FHOD3: variants seen among roughly 807,000 people sequenced by gnomAD.
FHOD3 encodes FH1/FH2 domain-containing protein 3.
In FHOD3, 90 loss-of-function variants were observed where a neutral mutation model predicts 173.0. The ratio of observed to expected loss-of-function variants is 0.52; its 90% CI spans 0.44 to 0.62. The LOEUF (loss-of-function observed/expected upper bound fraction) is 0.62, where lower values mean the gene tolerates loss of function less well. Ranked by LOEUF, FHOD3 falls within the 20% of genes least tolerant of loss-of-function variation. FHOD3 has a pLI of 0.00. For synonymous variants in FHOD3, 828 were observed against 823.0 expected, an observed-to-expected ratio of 1.01 and a Z score of -0.10; for missense variants, 1,945 against 2,034.7, an observed-to-expected ratio of 0.96 and a Z score of 0.85.
intron 1 of FHOD3, among the ~76,000 whole-genome samples, chr18:36,306,471 C>A (rs1040428191): frequency 2.6e-5 from 4 of 152,162 alleles, no homozygotes; most frequent in Non-Finnish European, 5.9e-5. Context: ...AAGTTAGAAC[C>A]AGATATGTTC....
At chr18:36,641,159 C>G (rs1047472090) in intron 10 of FHOD3, among the ~76,000 whole-genome samples, 1 of 151,870 alleles carries the variant, frequency 6.6e-6, no homozygotes, top group African/African-American at 2.4e-5. Context: ...TTGGATGTCC[C>G]TTGGAGCCAG....
chr18:36,645,686 C>T (rs1173458790), intron 10 of FHOD3, among the ~76,000 whole-genome samples: 2 of 152,000 alleles, frequency 1.3e-5, no homozygotes, highest in African/African-American at 4.8e-5. Context: ...GTAAAAAATT[C>T]TTAATAAATT....
chr18:36,453,001 C>T (rs534559890), intron 3 of FHOD3, among the ~76,000 whole-genome samples: 28 of 152,134 alleles, frequency 1.8e-4, no homozygotes, highest in African/African-American at 6.5e-4. Flanking sequence ...ATGTCTACTA[C>T]ATAGACATCT....
chr18:36,457,984 AG>A, intron 3 of FHOD3, among the ~76,000 whole-genome samples: 1 of 152,222 alleles, frequency 6.6e-6, no homozygotes, highest in East Asian at 1.9e-4. Flanking sequence ...TAAATTCTGG[AG>A]TCCCCAAGAA....
chr18:36,455,908 T>G (rs962469350), intron 3 of FHOD3, among the ~76,000 whole-genome samples: 15 of 152,182 alleles, frequency 9.9e-5, no homozygotes, highest in Non-Finnish European at 1.5e-5. Context: ...GGTGCCATGT[T>G]AATGGCTGGA....
At chr18:36,590,378 G>T (rs2059174782) in intron 6 of FHOD3, among the ~76,000 whole-genome samples, 1 of 149,744 alleles carries the variant, frequency 6.7e-6, no homozygotes, top group African/African-American at 2.5e-5. Flanking sequence ...AATGAGGTTG[G>T]CTCATAGAAT....
chr18:36,309,611 C>T (rs945189713), intron 1 of FHOD3, among the ~76,000 whole-genome samples: 20 of 152,192 alleles, frequency 1.3e-4, no homozygotes, highest in Non-Finnish European at 2.2e-4. Context: ...AGTCCGGGAG[C>T]GGCTAGTGTC....
chr18:36,406,662 G>C (rs1389629390), intron 3 of FHOD3, among the ~76,000 whole-genome samples: 1 of 152,180 alleles, frequency 6.6e-6, no homozygotes, highest in Non-Finnish European at 1.5e-5. Context: ...TTGGGGACTG[G>C]GAGCTCTTAT....
At chr18:36,482,858 C>CACACACACACAGAGAGAGAGAGAG (rs1400178557) in intron 3 of FHOD3, among the ~76,000 whole-genome samples, 1 of 130,374 alleles carries the variant, frequency 7.7e-6, no homozygotes, top group African/African-American at 3.1e-5. Context: ...CACACACACA[C>CACACACACACAGAGAGAGAGAGAG]AGAGAGAGAG....
chr18:36,394,977 T>C (rs540908906), intron 3 of FHOD3, among the ~76,000 whole-genome samples: 1 of 152,278 alleles, frequency 6.6e-6, no homozygotes, highest in Non-Finnish European at 1.5e-5. Context: ...CATAGTCTCT[T>C]CTATATTACA....
At chr18:36,458,611 C>T (rs1166190490) in intron 3 of FHOD3, among the ~76,000 whole-genome samples, 1 of 150,892 alleles carries the variant, frequency 6.6e-6, no homozygotes, top group Non-Finnish European at 1.5e-5. Flanking sequence ...GGATGTGTGA[C>T]AGGCTCATGT....
intron 3 of FHOD3, among the ~76,000 whole-genome samples, chr18:36,465,580 T>C (rs896323834): frequency 1.3e-5 from 2 of 151,868 alleles, no homozygotes; most frequent in Non-Finnish European, 2.9e-5. Flanking sequence ...CTTCCAGGGG[T>C]GTGATGGTGG....
intron 2 of FHOD3, among the ~76,000 whole-genome samples, chr18:36,372,045 G>C (rs1283806934): frequency 6.6e-6 from 1 of 152,216 alleles, no homozygotes; most frequent in Non-Finnish European, 1.5e-5. Context: ...CCTAGTGGGA[G>C]TGGAACCTGG....
chr18:36,481,776 G>GAA (rs2053912186), intron 3 of FHOD3, among the ~76,000 whole-genome samples: 1 of 151,982 alleles, frequency 6.6e-6, no homozygotes, highest in Non-Finnish European at 1.5e-5. Flanking sequence ...TCTCATGGCT[G>GAA]ACATTTTAAA....
chr18:36,532,735 G>A (rs1160680616), intron 5 of FHOD3, among the ~76,000 whole-genome samples: 1 of 152,218 alleles, frequency 6.6e-6, no homozygotes, highest in Non-Finnish European at 1.5e-5. Context: ...CCCACACCTG[G>A]AAGCAGAGAA....
intron 10 of FHOD3, among the ~76,000 whole-genome samples, chr18:36,639,463 G>T (rs933201755): frequency 6.6e-6 from 1 of 152,094 alleles, no homozygotes; most frequent in Non-Finnish European, 1.5e-5. Flanking sequence ...ACGAGGTCAG[G>T]AGATCAAGAC....
intron 3 of FHOD3, among the ~76,000 whole-genome samples, chr18:36,461,114 AG>A (rs1314948250): frequency 2.0e-5 from 3 of 152,134 alleles, no homozygotes; most frequent in Non-Finnish European, 4.4e-5. Context: ...AGGGCTGAGA[AG>A]GGGCTTTGCT....
rs1254561851 is a variant in FHOD3 at position 36,520,446 on chromosome 18, A to G, written c.511+7903A>G. Among the ~76,000 whole-genome samples, 3 of 152,128 alleles carry G rather than the reference A, an allele frequency of 2.0e-5. No individual in the cohort carries two copies. In the East Asian group the frequency reaches 5.8e-4, roughly 29 times the overall value. On this transcript the variant is annotated intron_variant, in intron 5 of 28. Transcript: ENST00000590592. ...AACCATGTGAGGTTGCTGGTATTTGACCACTTTTTACCTACAGAAAGGGCA... is the reference window on the plus strand; with the variant it reads ...AACCATGTGAGGTTGCTGGTATTTGGCCACTTTTTACCTACAGAAAGGGCA...
intron 5 of FHOD3, among the ~76,000 whole-genome samples, chr18:36,572,827 T>C (rs920026291): frequency 6.6e-6 from 1 of 152,154 alleles, no homozygotes; most frequent in Non-Finnish European, 1.5e-5. Context: ...TCTCTCTCCC[T>C]GTGTGGTTAG....
Sources: allele counts gnomAD v4.1 joint callset (sites outside exome capture counted in the v4.1 genomes callset), GRCh38; gene constraint gnomAD v4.1.1; transcripts MANE v1.5; gene names NCBI Gene and HGNC (gene_info 2026-07-23, HGNC 2026-07-21).